WWOX: variants seen among roughly 807,000 people sequenced by gnomAD.
WWOX encodes the protein WW domain-containing oxidoreductase.
A neutral mutation model predicts 46.2 loss-of-function variants in WWOX; 69 were observed. That is an observed-to-expected ratio of 1.49 (90% CI 1.23 to 1.82). WWOX has a LOEUF of 1.82. WWOX is among the 40% of genes most tolerant of loss of function. The pLI, the probability that WWOX is intolerant of heterozygous loss-of-function variation, is 0.00. For synonymous variants in WWOX, 359 were observed against 202.6 expected (o/e 1.77, Z -6.56); for missense variants, 919 against 542.6 (o/e 1.69, Z -6.89).
At chr16:79,163,438 G>T (rs2050526632) in intron 8 of WWOX, among the ~76,000 whole-genome samples, 1 of 152,160 alleles carries the variant, frequency 6.6e-6, no homozygotes, top group Admixed American at 6.5e-5. Context: ...CTCTATAAGA[G>T]ATAAGCATAC....
intron 4 of WWOX, among the ~76,000 whole-genome samples, chr16:78,133,462 T>C (rs1446996036): frequency 1.3e-5 from 2 of 152,204 alleles, no homozygotes; most frequent in East Asian, 3.9e-4. Flanking sequence ...GGTTTCACCA[T>C]GTTGGCCAGG....
intron 8 of WWOX, among the ~76,000 whole-genome samples, chr16:78,457,593 TG>T (rs572069551): frequency 2.2e-4 from 33 of 151,962 alleles, no homozygotes; most frequent in Non-Finnish European, 4.6e-4. Context: ...ACAACATTTG[TG>T]GGGGCTGCAG....
At chr16:79,056,721 T>A (rs1304542574) in intron 8 of WWOX, among the ~76,000 whole-genome samples, 1 of 152,202 alleles carries the variant, frequency 6.6e-6, no homozygotes, top group Non-Finnish European at 1.5e-5. Flanking sequence ...CTGGGATAAG[T>A]CTTCTCTACC....
chr16:79,132,717 C>T (rs187021794), intron 8 of WWOX, among the ~76,000 whole-genome samples: 184 of 152,238 alleles, frequency 1.2e-3, no homozygotes, highest in African/African-American at 4.4e-3. Flanking sequence ...GAGGCTCTGG[C>T]ATACTTTAAA....
intron 5 of WWOX, among the ~76,000 whole-genome samples, chr16:78,255,851 G>A (rs1180484657): frequency 1.3e-5 from 2 of 152,088 alleles, no homozygotes; most frequent in East Asian, 1.9e-4. Context: ...TCAAAGAAAG[G>A]AGTAAATCAC....
At chr16:78,659,830 C>T (rs1056562601) in intron 8 of WWOX, among the ~76,000 whole-genome samples, 4 of 152,174 alleles carry the variant, frequency 2.6e-5, no homozygotes, top group African/African-American at 7.2e-5. Flanking sequence ...TACTTAAACA[C>T]ACAGCATGAC....
At chr16:79,103,162 C>T (rs1164742385) in intron 8 of WWOX, among the ~76,000 whole-genome samples, 1 of 152,198 alleles carries the variant, frequency 6.6e-6, no homozygotes, top group African/African-American at 2.4e-5. Context: ...CCGTTTTCAT[C>T]CCTCCTCTGC....
chr16:78,672,870 G>C (rs1397406371), intron 8 of WWOX, among the ~76,000 whole-genome samples: 1 of 152,160 alleles, frequency 6.6e-6, no homozygotes, highest in African/African-American at 2.4e-5. Flanking sequence ...CCTTGGTGAT[G>C]GATAGAAAAA....
chr16:78,921,028 C>T (rs777177169), intron 8 of WWOX, among the ~76,000 whole-genome samples: 1 of 152,150 alleles, frequency 6.6e-6, no homozygotes, highest in Admixed American at 6.5e-5. Flanking sequence ...TTAAGCTTTG[C>T]CAGTCCAATA....
intron 5 of WWOX, among the ~76,000 whole-genome samples, chr16:78,373,102 C>G (rs75545063): frequency 0.013 from 1,954 of 152,126 alleles, 39 homozygotes; most frequent in African/African-American, 0.044. Context: ...TGCTTTTTTT[C>G]AGGAACACAT....
intron 8 of WWOX, among the ~76,000 whole-genome samples, chr16:79,082,714 G>A (rs1252845171): frequency 6.6e-6 from 1 of 152,174 alleles, no homozygotes; most frequent in East Asian, 1.9e-4. Context: ...CAGTTCCCAG[G>A]GCAGGTGAAG....
chr16:79,038,828 G>A (rs1436321624), intron 8 of WWOX, among the ~76,000 whole-genome samples: 1 of 152,000 alleles, frequency 6.6e-6, no homozygotes, highest in East Asian at 1.9e-4. Context: ...GGGATTACAA[G>A]CATGAGCCAC....
chr16:78,856,078 A>G (rs1165799577), intron 8 of WWOX, among the ~76,000 whole-genome samples: 3 of 152,356 alleles, frequency 2.0e-5, no homozygotes, highest in East Asian at 1.9e-4. Context: ...GAAGACAAAT[A>G]TGAGTATCCA....
rs1555569184 is a variant in WWOX at position 78,922,984 on chromosome 16, C to CTTTTTTTCTTTTTTTTT, written c.1057-288617_1057-288616insCTTTTTTTTTTTTTTTT. 1.4e-5 allele frequency among the ~76,000 whole-genome samples: 2 copies of CTTTTTTTCTTTTTTTTT among 141,530 alleles called. 1 individual carries two copies. The allele number at this position is 141,530 out of a possible 152,430, so 92.8% of individuals were successfully genotyped here. Reference sequence around the variant, plus strand: ...CAGGAGGCATAATTCTTTCTCTTTTCTTTTTTTTTTTTTTGAGACAGAGTT... The same window carrying CTTTTTTTCTTTTTTTTT: ...CAGGAGGCATAATTCTTTCTCTTTTCTTTTTTTCTTTTTTTTTTTTTTTTTTTTTTTGAGACAGAGTT... On this transcript the variant is annotated intron_variant, in intron 8 of 8. Coordinates refer to ENST00000566780, the MANE Select transcript of WWOX (RefSeq NM_016373.4).
chr16:79,057,586 G>T (rs115142037), intron 8 of WWOX, among the ~76,000 whole-genome samples: 13 of 44,832 alleles, frequency 2.9e-4, no homozygotes, highest in East Asian at 8.5e-4. Context: ...GGTGATTTTG[G>T]GGGGGGCACC....
intron 6 of WWOX, among the ~76,000 whole-genome samples, chr16:78,387,891 G>A (rs536088299): frequency 6.6e-6 from 1 of 152,192 alleles, no homozygotes; most frequent in East Asian, 1.9e-4. Flanking sequence ...TGAATGTGGA[G>A]AGCTCTCATA....
intron 5 of WWOX, among the ~76,000 whole-genome samples, chr16:78,292,737 T>A (rs1406941730): frequency 6.6e-6 from 1 of 152,210 alleles, no homozygotes; most frequent in Non-Finnish European, 1.5e-5. Flanking sequence ...TGTGCTGCCC[T>A]TACCCTAAAG....
chr16:78,655,952 G>A (rs1379592323), intron 8 of WWOX, among the ~76,000 whole-genome samples: 1 of 152,166 alleles, frequency 6.6e-6, no homozygotes, highest in African/African-American at 2.4e-5. Flanking sequence ...ACAATGCACA[G>A]CCTGGGGAGA....
intron 8 of WWOX, among the ~76,000 whole-genome samples, chr16:78,638,335 C>G (rs1478522445): frequency 1.3e-5 from 2 of 152,172 alleles, no homozygotes; most frequent in African/African-American, 4.8e-5. Flanking sequence ...TTCTTTAAAC[C>G]TCTCTATTCA....
Sources: gnomAD v4.1 joint callset for allele counts (sites outside exome capture counted in the v4.1 genomes callset) on GRCh38, gnomAD v4.1.1 for gene constraint, MANE v1.5 for transcripts, NCBI Gene and HGNC (gene_info 2026-07-23, HGNC 2026-07-21) for gene names.